Variants in SYT9 observed in about 807,000 individuals in gnomAD.
SYT9 encodes the protein synaptotagmin 9.
A neutral mutation model predicts 48.4 loss-of-function variants in SYT9; 22 were observed. The ratio of observed to expected loss-of-function variants is 0.45; its 90% CI spans 0.32 to 0.65. The LOEUF is 0.65. Ranked by LOEUF, SYT9 falls within the 30% of genes least tolerant of loss-of-function variation. SYT9 has a pLI of 0.03. For synonymous variants in SYT9, 265 were observed against 245.0 expected (o/e 1.08, Z -0.76); for missense variants, 577 against 622.0 (o/e 0.93, Z 0.77).
At chr11:7,424,999 G>C (rs1847427049) in intron 6 of SYT9, among the ~76,000 whole-genome samples, 1 of 152,170 alleles carries the variant, frequency 6.6e-6, no homozygotes. Flanking sequence ...TATAAACTTA[G>C]AGTCAAAGGA....
At chr11:7,265,532 C>G (rs772735080) in intron 1 of SYT9, among the ~76,000 whole-genome samples, 2 of 152,278 alleles carry the variant, frequency 1.3e-5, no homozygotes, top group Middle Eastern at 3.4e-3. Context: ...CATGCACTTA[C>G]GGCCTTCGTG....
At chr11:7,437,488 C>T (rs994779826) in intron 6 of SYT9, 1 of 152,162 alleles carries the variant, frequency 6.6e-6, no homozygotes, top group Non-Finnish European at 1.5e-5. Context: ...TAATGGGCCA[C>T]TGCCCATTAT....
intron 3 of SYT9, among the ~76,000 whole-genome samples, chr11:7,350,032 G>A (rs1001717052): frequency 6.7e-6 from 1 of 148,946 alleles, no homozygotes; most frequent in African/African-American, 2.6e-5. Context: ...ACTCATGCCA[G>A]GGGGGGACCC....
chr11:7,293,806 C>T (rs1251452375), intron 1 of SYT9, among the ~76,000 whole-genome samples: 1 of 152,148 alleles, frequency 6.6e-6, no homozygotes, highest in Admixed American at 6.5e-5. Flanking sequence ...GCAAGTTGTG[C>T]CCTGTGCAAC....
intron 6 of SYT9, among the ~76,000 whole-genome samples, chr11:7,423,992 C>CAG (rs201281570): frequency 0.014 from 2,136 of 152,146 alleles, 50 homozygotes; most frequent in African/African-American, 0.04. Context: ...GTATGGAAGA[C>CAG]AGAGAGAGAG....
upstream of SYT9, among the ~76,000 whole-genome samples, chr11:7,250,529 C>T (rs532165480): frequency 1.0e-3 from 153 of 149,660 alleles, no homozygotes; most frequent in African/African-American, 3.1e-3. Context: ...GGGGTTCCCC[C>T]CTTTGAAGAA....
intron 3 of SYT9, among the ~76,000 whole-genome samples, chr11:7,405,831 C>T (rs1243572970): frequency 3.9e-5 from 6 of 152,068 alleles, no homozygotes; most frequent in Non-Finnish European, 1.5e-5. Context: ...ATTTAGAAAA[C>T]TTTAAAGGAT....
At chr11:7,392,265 T>G (rs1179223429) in intron 3 of SYT9, among the ~76,000 whole-genome samples, 1 of 152,152 alleles carries the variant, frequency 6.6e-6, no homozygotes, top group Admixed American at 6.5e-5. Context: ...TTTAATATAT[T>G]TTGAGTTAAT....
chr11:7,417,840 C>T (rs1847280394), intron 4 of SYT9, 117 bp from the exon 5 acceptor site: 1 of 1,018,798 alleles, frequency 9.8e-7, no homozygotes, highest in East Asian at 2.7e-5. Context: ...AACTCCAGTC[C>T]ACAGGCAGGT....
intron 3 of SYT9, among the ~76,000 whole-genome samples, chr11:7,367,608 C>T (rs1850277738): frequency 6.6e-6 from 1 of 151,972 alleles, no homozygotes; most frequent in South Asian, 2.1e-4. Context: ...TCCTTTTCTT[C>T]TTTTGTGACT....
intron 3 of SYT9, among the ~76,000 whole-genome samples, chr11:7,396,521 A>C (rs1193971210): frequency 6.6e-6 from 1 of 152,158 alleles, no homozygotes; most frequent in Non-Finnish European, 1.5e-5. Context: ...GTTGATAGAC[A>C]TCTAGGCTTC....
intron 3 of SYT9, among the ~76,000 whole-genome samples, chr11:7,338,863 G>T (rs974213776): frequency 6.6e-6 from 1 of 152,042 alleles, no homozygotes; most frequent in African/African-American, 2.4e-5. Flanking sequence ...AGGTCCATTT[G>T]GTCCAATATT....
At chr11:7,256,822 A>G (rs1339848551) in intron 1 of SYT9, among the ~76,000 whole-genome samples, 1 of 152,188 alleles carries the variant, frequency 6.6e-6, no homozygotes, top group Non-Finnish European at 1.5e-5. Context: ...CAATGTTTAG[A>G]AAAGGTTCAG....
intron 1 of SYT9, among the ~76,000 whole-genome samples, chr11:7,286,763 A>C (rs1589915235): frequency 6.6e-6 from 1 of 152,322 alleles, no homozygotes; most frequent in South Asian, 2.1e-4. Flanking sequence ...AAATGCTGCC[A>C]GTCTCTTTGC....
At chr11:7,250,368 C>T (rs1291883583), upstream of SYT9, among the ~76,000 whole-genome samples, 1 of 152,042 alleles carries the variant, frequency 6.6e-6, no homozygotes, top group African/African-American at 2.4e-5. Context: ...TTCAGTTCCT[C>T]TCTGACATGA....
chr11:7,339,434 T>C (rs908504500), intron 3 of SYT9, among the ~76,000 whole-genome samples: 3 of 152,208 alleles, frequency 2.0e-5, no homozygotes, highest in Non-Finnish European at 4.4e-5. Flanking sequence ...TTTGTGTGGT[T>C]GCATTTTAGT....
chr11:7,403,505 T>C (rs953645094), intron 3 of SYT9, among the ~76,000 whole-genome samples: 2 of 152,142 alleles, frequency 1.3e-5, no homozygotes, highest in East Asian at 1.9e-4. Flanking sequence ...TGAGCTGTGA[T>C]TGTGCTACTG....
intron 6 of SYT9, chr11:7,427,322 G>C (rs1475200753): frequency 1.3e-5 from 2 of 152,170 alleles, no homozygotes; most frequent in Non-Finnish European, 2.9e-5. Flanking sequence ...CATGAAAAGG[G>C]ACCAATTCCT....
intron 1 of SYT9, among the ~76,000 whole-genome samples, chr11:7,256,669 A>AGTGTAGGTCACATTCT: frequency 6.6e-6 from 1 of 152,200 alleles, no homozygotes; most frequent in African/African-American, 2.4e-5. Context: ...TTAATCCCTA[A>AGTGTAGGTCACATTCT]GTGTAGGTCA....
Sources: allele counts gnomAD v4.1 joint callset (sites outside exome capture counted in the v4.1 genomes callset), GRCh38; gene constraint gnomAD v4.1.1; transcripts MANE v1.5; gene names NCBI Gene and HGNC (gene_info 2026-07-23, HGNC 2026-07-21).